NRAP: variants seen among roughly 807,000 people sequenced by gnomAD.
NRAP encodes nebulin-related-anchoring protein.
NRAP carries 189 observed loss-of-function variants against 225.9 expected under a neutral mutation model. That is an observed-to-expected ratio of 0.84 (90% CI 0.74 to 0.94). The LOEUF (loss-of-function observed/expected upper bound fraction) is 0.94, where lower values mean the gene tolerates loss of function less well. Ranked by LOEUF, NRAP falls within the 40% of genes least tolerant of loss-of-function variation. NRAP has a pLI of 0.00. For missense variants in NRAP, 2,176 were observed against 2,168.7 expected (o/e 1.00, Z -0.07); for synonymous variants, 769 against 790.7 (o/e 0.97, Z 0.46).
chr10:113,623,955 A>G (rs910403858), intron 22 of NRAP, among the ~76,000 whole-genome samples: 11 of 152,156 alleles, frequency 7.2e-5, no homozygotes, highest in Non-Finnish European at 1.3e-4. Context: ...ACATTTCTGA[A>G]AAGTCTATTC....
chr10:113,618,360 T>G (rs905698665), intron 25 of NRAP, among the ~76,000 whole-genome samples: 2 of 152,240 alleles, frequency 1.3e-5, no homozygotes, highest in Non-Finnish European at 2.9e-5. Flanking sequence ...CTGGTTGGAT[T>G]TTTGTACACT....
intron 3 of NRAP, among the ~76,000 whole-genome samples, chr10:113,659,782 C>T (rs1262469004): frequency 2.0e-5 from 3 of 152,200 alleles, no homozygotes; most frequent in African/African-American, 7.2e-5. Flanking sequence ...AAAAAACCTG[C>T]AAATCTGCTT....
chr10:113,646,864 G>A (rs1592850193), intron 10 of NRAP, 59 bp downstream of exon 10: 1 of 1,132,680 alleles, frequency 8.8e-7, no homozygotes, highest in East Asian at 2.3e-5. Context: ...AGTAAGCACA[G>A]CCTTCAAAGT....
intron 3 of NRAP, 96 bp from the exon 4 acceptor site, chr10:113,657,670 G>C: frequency 1.3e-6 from 1 of 746,274 alleles, no homozygotes; most frequent in Non-Finnish European, 2.4e-6. Context: ...ATTTTGCTAA[G>C]TCTCAACTGC....
intron 37 of NRAP, among the ~76,000 whole-genome samples, chr10:113,596,181 A>T: frequency 6.6e-6 from 1 of 152,246 alleles, no homozygotes; most frequent in East Asian, 1.9e-4. Flanking sequence ...GTTATAAAAC[A>T]TCTTAATACA....
In NRAP at chr10:113,620,379, A is replaced by G. The variant is rs568563209; in HGVS notation, c.2874+225T>C. 2.6e-5 allele frequency among the ~76,000 whole-genome samples: 4 copies of G among 152,002 alleles called. No homozygotes were observed. The South Asian group carries it at 8.3e-4, about 32-fold the overall frequency. On this transcript the variant is annotated intron_variant, in intron 25 of 41. Transcript: ENST00000359988. ...TGAGCTCTGTTTGATTGTCATTATTATTCATAATATCATTTGTCACCCACT... is the reference window on the plus strand; with the variant it reads ...TGAGCTCTGTTTGATTGTCATTATTGTTCATAATATCATTTGTCACCCACT...
intron 20 of NRAP, among the ~76,000 whole-genome samples, chr10:113,627,109 A>G (rs1037723726): frequency 2.0e-5 from 3 of 152,216 alleles, no homozygotes; most frequent in African/African-American, 7.2e-5. Flanking sequence ...TGATTGGAAC[A>G]CTGGAAACTC....
In NRAP at chr10:113,590,757, A is replaced by G; in HGVS notation, c.4777T>C (p.Phe1593Leu). ...LQSDNEYKKD[F>L]AKSRSQFHSS... The stretch of plus-strand genomic sequence containing the variant: ...TGAAACTGGGACCGACTCTTGGCAA[A>G]GTCCTTCTTGTACTCATTGTCACTC... Residue 1593 changes from phenylalanine (F) to leucine (L), a missense_variant, in exon 40 of 42, where the codon TTT (phenylalanine) becomes CTT (leucine). Around this residue, in one of 3 missense-constraint regions of NRAP, gnomAD observed 445 missense variants for 426.1 expected, o/e 1.04. Transcript: ENST00000359988. 6.2e-7 allele frequency: 1 copy of G among 1,614,204 alleles called. No individual in the cohort carries two copies. Among genetic ancestry groups the G allele is most frequent in the Non-Finnish European group, 8.5e-7 (1 of 1,180,032 alleles).
chr10:113,605,373 C>A (rs539226574), intron 34 of NRAP, among the ~76,000 whole-genome samples: 6 of 152,338 alleles, frequency 3.9e-5, no homozygotes, highest in Admixed American at 1.3e-4. Context: ...CAAATCCTAA[C>A]ACCAATGCGT....
chr10:113,589,635 G>A, intron 41 of NRAP, 31 bp downstream of exon 41: 1 of 1,455,614 alleles, frequency 6.9e-7, no homozygotes, highest in Non-Finnish European at 9.0e-7. Flanking sequence ...GGCCTTGCAA[G>A]CCAGGGGTGG....
At chr10:113,629,546 T>C (rs1051726661) in intron 19 of NRAP, 42 bp downstream of exon 19, 1 of 1,369,488 alleles carries the variant, frequency 7.3e-7, no homozygotes, top group African/African-American at 1.4e-5. Flanking sequence ...CATGTCCAAC[T>C]GCAAGAGATG....
chr10:113,622,050 C>T lies in NRAP; in HGVS notation c.2588G>A (p.Gly863Glu), dbSNP rs748337449. Residue 863 changes from glycine (G) to glutamate (E), a missense_variant, in exon 24 of 42, where the codon GGA (glycine) becomes GAA (glutamate). Coordinates refer to ENST00000359988, the MANE Select transcript of NRAP (RefSeq NM_198060.4). ...KLQSELEYKKGFEDTKSQCHV... is the reference protein window; with the variant it reads ...KLQSELEYKKEFEDTKSQCHV... ...GCATTGGGATTTGGTGTCCTCGAAT[C>T]CCTTCTTGTACTCCAGCTCACTCTG... is the stretch of plus-strand genomic sequence containing the variant. The T allele has an allele frequency of 6.2e-7, 1 of 1,614,194 alleles. No individual in the cohort carries two copies. Among genetic ancestry groups the T allele is most frequent in the South Asian group, 1.1e-5 (1 of 91,084 alleles).
At chr10:113,660,282 T>C (rs1454979909) in intron 3 of NRAP, among the ~76,000 whole-genome samples, 1 of 151,930 alleles carries the variant, frequency 6.6e-6, no homozygotes, top group Admixed American at 6.6e-5. Context: ...CACATACTCA[T>C]GCACACACAT....
chr10:113,611,773 C>T (rs1478582197), intron 30 of NRAP, among the ~76,000 whole-genome samples: 1 of 152,156 alleles, frequency 6.6e-6, no homozygotes, highest in Non-Finnish European at 1.5e-5. Flanking sequence ...AAGAGGAATC[C>T]TTCCTGAGAC....
rs1354677320 is a variant in NRAP, at chr10:113,649,335, TA to T, written c.888+701del. Among the ~76,000 whole-genome samples the T allele has an allele frequency of 2.2e-4, 33 of 152,288 alleles. 1 individual carries two copies. The highest frequency in any genetic ancestry group is 1.4e-3 in the Admixed American group (21 of 15,282). On this transcript the variant is annotated intron_variant, in intron 9 of 41. Transcript: ENST00000359988. Reference sequence around the variant, plus strand: ...ATTCAAACAACTGTCCAATTATGAATAAAAATCACTTAAACCCATGGAATGT... The same window carrying T: ...ATTCAAACAACTGTCCAATTATGAATAAAATCACTTAAACCCATGGAATGT...
chr10:113,595,524 C>T (rs1380751426), intron 38 of NRAP, 99 bp downstream of exon 38: 6 of 719,978 alleles, frequency 8.3e-6, no homozygotes, highest in Admixed American at 2.3e-5. Flanking sequence ...CCAAGTCCTC[C>T]TTCCTAGAAC....
chr10:113,663,456 A>C lies in NRAP; in HGVS notation c.73-10T>G, dbSNP rs1308558444. On this transcript the variant is annotated splice_polypyrimidine_tract_variant and intron_variant, in intron 1 of 41. Transcript: ENST00000359988. Reference sequence around the variant, plus strand: ...AGGCTTTATGCCATATCTAGAAATCATATAGAGAAGATTTAGCAATTACCC... The same window carrying C: ...AGGCTTTATGCCATATCTAGAAATCCTATAGAGAAGATTTAGCAATTACCC... 3 of 1,538,236 alleles carry C rather than the reference A, an allele frequency of 2.0e-6. No homozygotes were observed. Among genetic ancestry groups the C allele is most frequent in the Non-Finnish European group, 2.7e-6 (3 of 1,111,100 alleles).
At chr10:113,629,437 A>C in intron 19 of NRAP, 151 bp downstream of exon 19, 2 of 630,278 alleles carry the variant, frequency 3.2e-6, no homozygotes, top group Non-Finnish European at 5.6e-6. Flanking sequence ...CTACCTCCCC[A>C]TCTGCCCTTT....
intron 13 of NRAP, 75 bp from the exon 14 acceptor site, chr10:113,640,406 G>T: frequency 1.2e-6 from 1 of 812,958 alleles, no homozygotes; most frequent in Non-Finnish European, 2.0e-6. Context: ...AATGCCATAA[G>T]AAATATTTTT....
Sources: gnomAD v4.1 joint callset for allele counts (sites outside exome capture counted in the v4.1 genomes callset) on GRCh38, gnomAD v4.1.1 for gene constraint, gnomAD v4.1.1 regional missense constraint, MANE v1.5 for transcripts, NCBI Gene and HGNC (gene_info 2026-07-23, HGNC 2026-07-21) for gene names.